The following ZNF568 variants were observed in gnomAD, a reference collection of about 807,000 sequenced individuals.
The protein encoded by ZNF568 is p53 inhibitor of SCO2 activation.
A neutral mutation model predicts 18.1 loss-of-function variants in ZNF568; 11 were observed. That is an observed-to-expected ratio of 0.61 (90% CI 0.38 to 1.00). The LOEUF (loss-of-function observed/expected upper bound fraction) is 1.00, where lower values mean the gene tolerates loss of function less well. ZNF568 is among the 50% of genes least tolerant of loss of function. The pLI, the probability that ZNF568 is intolerant of heterozygous loss-of-function variation, is 0.01. For synonymous variants in ZNF568, 213 were observed against 246.6 expected, an observed-to-expected ratio of 0.86 and a Z score of 1.28; for missense variants, 639 against 768.2, an observed-to-expected ratio of 0.83 and a Z score of 1.99.
intron 4 of ZNF568, among the ~76,000 whole-genome samples, chr19:36,933,899 G>GTTTTTTTTTTTTTTTT: frequency 4.7e-5 from 1 of 21,490 alleles, no homozygotes; most frequent in African/African-American, 2.7e-4. Context: ...TTTTGGGTAG[G>GTTTTTTTTTTTTTTTT]TTTTTTTTTT....
chr19:36,976,908 C>T (rs1264861562), intron 7 of ZNF568, among the ~76,000 whole-genome samples: 1 of 151,164 alleles, frequency 6.6e-6, no homozygotes, highest in Non-Finnish European at 1.5e-5. Flanking sequence ...AAAACTCCGT[C>T]TAAGAAAAAA....
chr19:36,968,394 G>A (rs1381013333), intron 6 of ZNF568, among the ~76,000 whole-genome samples: 1 of 151,596 alleles, frequency 6.6e-6, no homozygotes, highest in Non-Finnish European at 1.5e-5. Flanking sequence ...CCAACATGGT[G>A]AAACCCCATC....
At chr19:36,997,354 A>T, downstream of ZNF568, 2 of 1,602,960 alleles carry the variant, frequency 1.2e-6, no homozygotes, top group African/African-American at 1.3e-5. Context: ...CCGACATCAG[A>T]GAGCTCATAC....
intron 4 of ZNF568, among the ~76,000 whole-genome samples, chr19:36,927,887 T>TATAA (rs1491142078): frequency 7.7e-5 from 3 of 39,070 alleles, no homozygotes; most frequent in African/African-American, 2.8e-4. Flanking sequence ...TATATATATA[T>TATAA]TATATATATA....
intron 4 of ZNF568, among the ~76,000 whole-genome samples, chr19:36,933,899 GTTTTTTTTTTTGTTTTGTTTTTTTGT>G (rs2073734109): frequency 4.7e-5 from 1 of 21,490 alleles, no homozygotes; most frequent in East Asian, 6.5e-4. Context: ...TTTTGGGTAG[GTTTTTTTTTTTGTTTTGTTTTTTTGT>G]TTTTTTTTTT....
At chr19:36,982,954 C>T (rs1016997110), downstream of ZNF568, among the ~76,000 whole-genome samples, 1 of 152,154 alleles carries the variant, frequency 6.6e-6, no homozygotes, top group Non-Finnish European at 1.5e-5. Context: ...TGTCTTTATA[C>T]AAGTTACTCT....
Position 36,996,997 on chromosome 19 carries a change from TCA to T in ZNF568, c.914_915del (p.His305ProfsTer11). The T allele has an allele frequency of 2.6e-6, 4 of 1,548,592 alleles. No homozygotes were observed. Among genetic ancestry groups the T allele is most frequent in the Non-Finnish European group, 3.5e-6 (4 of 1,153,020 alleles). On this transcript the variant is annotated frameshift_variant, in exon 5 of 5. Coordinates refer to the ZNF568 transcript ENST00000433993. LOFTEE classifies it low-confidence loss of function (END_TRUNC). ...GTGTGGGAAGGCCTTTACCCGTCCC[TCA>T]CACCTTTTTCGACATCAAAGAATCC...
chr19:36,937,384 T>A (rs886425274), intron 6 of ZNF568, 142 bp downstream of exon 6: 2 of 583,074 alleles, frequency 3.4e-6, no homozygotes, highest in Admixed American at 6.7e-5. Flanking sequence ...TGCTTTAGAT[T>A]ACTGTGACAT....
intron 2 of ZNF568, among the ~76,000 whole-genome samples, chr19:36,920,404 C>G (rs1182504121): frequency 6.6e-6 from 1 of 151,970 alleles, no homozygotes. Context: ...GGGTGGATTA[C>G]AGGAGGTCAA....
chr19:36,997,845 G>C (rs2146355811), downstream of ZNF568: 4 of 467,118 alleles, frequency 8.6e-6, no homozygotes, highest in East Asian at 1.5e-4. Context: ...ATTTATTTAT[G>C]TTTCAGAATT....
intron 6 of ZNF568, among the ~76,000 whole-genome samples, chr19:36,972,636 T>C (rs1419829597): frequency 6.9e-6 from 1 of 143,934 alleles, no homozygotes; most frequent in Non-Finnish European, 1.5e-5. Context: ...TTATCGGGAT[T>C]GTGGCCCAGG....
At chr19:36,925,368 G>GAGAAAAAATACAGAT in intron 4 of ZNF568, 110 bp downstream of exon 4, 2 of 998,400 alleles carry the variant, frequency 2.0e-6, no homozygotes, top group Non-Finnish European at 3.0e-6. Context: ...AAATAAAAGT[G>GAGAAAAAATACAGAT]AGAAAAAATA....
At chr19:36,954,269 T>C (rs189870485), downstream of ZNF568, among the ~76,000 whole-genome samples, 66 of 152,234 alleles carry the variant, frequency 4.3e-4, 1 homozygote, top group Admixed American at 3.0e-3. Flanking sequence ...AGGGGGTGTT[T>C]GTGAAAAGGG....
chr19:36,994,280 G>T (rs1029105851), intron 4 of ZNF568, among the ~76,000 whole-genome samples: 1 of 152,036 alleles, frequency 6.6e-6, no homozygotes, highest in Admixed American at 6.6e-5. Flanking sequence ...TATTTTGTGT[G>T]ATTTCAATCC....
intron 4 of ZNF568, among the ~76,000 whole-genome samples, chr19:36,995,326 T>C (rs1357650361): frequency 6.6e-6 from 1 of 152,106 alleles, no homozygotes. Context: ...TTGAACCCAG[T>C]GAGTGGAGGT....
At position 36,996,064 on chromosome 19, in the gene ZNF568, T is replaced by C. The variant is rs112187922; in HGVS notation, c.230-253T>C. Among the ~76,000 whole-genome samples the C allele has an allele frequency of 8.5e-3, 1,296 of 152,254 alleles. 20 individuals are homozygous for C. Among genetic ancestry groups the C allele is most frequent in the African/African-American group, 0.029 (1,224 of 41,558 alleles). ...GGGCCCAGTGTAATCACAAGGGTCT[T>C]TAAATGTATCAGAGATGTGGCTGGG... On this transcript the variant is annotated intron_variant, in intron 4 of 4. Transcript: ENST00000433993.
Position 36,952,037 on chromosome 19 carries a change from GCTT to G in ZNF568, c.*950_*952del. 1 of 642,316 alleles carries G rather than the reference GCTT, an allele frequency of 1.6e-6. No individual in the cohort carries two copies. Among genetic ancestry groups the G allele is most frequent in the Non-Finnish European group, 1.8e-6 (1 of 558,912 alleles). The allele number at this position is 642,316 out of a possible 1,614,324, so 39.8% of individuals were successfully genotyped here. Reference sequence around the variant, plus strand: ...TTGTCTATGACGTTGAGGCCAAGGAGCTTTTTTTTTTTTTTTTTCAAGACAAAA... The same window carrying G: ...TTGTCTATGACGTTGAGGCCAAGGAGTTTTTTTTTTTTTTTCAAGACAAAA... On this transcript the variant is annotated 3_prime_UTR_variant, in exon 7 of 7. Coordinates refer to ENST00000333987, the MANE Select transcript of ZNF568 (RefSeq NM_198539.4).
intron 4 of ZNF568, among the ~76,000 whole-genome samples, chr19:36,932,022 A>G (rs1216321477): frequency 6.6e-6 from 1 of 152,190 alleles, no homozygotes; most frequent in Non-Finnish European, 1.5e-5. Flanking sequence ...TTCGCTTAGC[A>G]TTATGTTTTC....
chr19:36,997,085 A>G (rs1469971336), exon 5 of ZNF568: 3 of 1,565,656 alleles, frequency 1.9e-6, no homozygotes, highest in Non-Finnish European at 2.6e-6. Context: ...TATGACACAC[A>G]GCTGAGCCTT....
Sources: gnomAD v4.1 joint callset for allele counts (sites outside exome capture counted in the v4.1 genomes callset) on GRCh38, gnomAD v4.1.1 for gene constraint, MANE v1.5 for transcripts, NCBI Gene and HGNC (gene_info 2026-07-23, HGNC 2026-07-21) for gene names.